Variants in SGCD observed in about 807,000 individuals in gnomAD.
The protein encoded by SGCD is sarcoglycan delta.
Under a neutral mutation model 36.6 loss-of-function variants are expected in SGCD, and 18 were observed. The observed-to-expected ratio is 0.49, with a 90% CI of 0.34 to 0.73. The LOEUF (loss-of-function observed/expected upper bound fraction) is 0.73, where lower values mean the gene tolerates loss of function less well. Among genes scored for constraint, SGCD ranks in the 30% least tolerant of loss-of-function variants. SGCD has a pLI of 0.01. For missense variants in SGCD, 387 were observed against 346.7 expected (o/e 1.12, Z -0.92); for synonymous variants, 133 against 130.6 (o/e 1.02, Z -0.12).
At chr5:156,248,684 G>A (rs1393552268) in intron 3 of SGCD, among the ~76,000 whole-genome samples, 1 of 152,212 alleles carries the variant, frequency 6.6e-6, no homozygotes, top group African/African-American at 2.4e-5. Flanking sequence ...GCAATCCACT[G>A]AAGCGTGACA....
intron 1 of SGCD, among the ~76,000 whole-genome samples, chr5:156,058,388 A>G (rs531360276): frequency 6.8e-6 from 1 of 146,328 alleles, no homozygotes; most frequent in Non-Finnish European, 1.5e-5. Flanking sequence ...AACTAAACCA[A>G]TGATCCTTAA....
At chr5:155,983,961 A>T (rs1225100240) in intron 1 of SGCD, among the ~76,000 whole-genome samples, 1 of 152,184 alleles carries the variant, frequency 6.6e-6, no homozygotes, top group Non-Finnish European at 1.5e-5. Context: ...GCATCCGTGG[A>T]TGAAAATTTC....
At chr5:156,489,996 A>C (rs917126380) in intron 3 of SGCD, among the ~76,000 whole-genome samples, 23 of 147,526 alleles carry the variant, frequency 1.6e-4, no homozygotes, top group African/African-American at 5.7e-4. Flanking sequence ...GAAAAGAGAG[A>C]GGACTCAAAT....
At chr5:156,463,937 C>A (rs1754608910) in intron 3 of SGCD, among the ~76,000 whole-genome samples, 1 of 152,122 alleles carries the variant, frequency 6.6e-6, no homozygotes, top group Non-Finnish European at 1.5e-5. Flanking sequence ...GCCTGAGTAA[C>A]AGAGCAAGAC....
intron 6 of SGCD, among the ~76,000 whole-genome samples, chr5:156,626,275 A>G (rs1425384663): frequency 6.6e-6 from 1 of 152,150 alleles, no homozygotes; most frequent in Non-Finnish European, 1.5e-5. Context: ...GGAAATTTGT[A>G]TGTCCTCCTT....
At chr5:155,731,985 A>G in the SGCD span, among the ~76,000 whole-genome samples, 1 of 152,180 alleles carries the variant, frequency 6.6e-6, no homozygotes, top group African/African-American at 2.4e-5. Flanking sequence ...AGAAAAGCTT[A>G]TTTCTTGTGA....
At chr5:155,959,747 G>A (rs530011431) in intron 1 of SGCD, among the ~76,000 whole-genome samples, 18 of 152,006 alleles carry the variant, frequency 1.2e-4, no homozygotes, top group Non-Finnish European at 2.4e-4. Flanking sequence ...CAATAAGTGT[G>A]TACTATGTAT....
At chr5:155,869,470 G>A (rs2113271187), upstream of SGCD, among the ~76,000 whole-genome samples, 1 of 152,028 alleles carries the variant, frequency 6.6e-6, no homozygotes, top group Middle Eastern at 3.4e-3. Context: ...ATGACCCTGT[G>A]AGTTAGGAAC....
chr5:156,538,421 C>T (rs1452092581), intron 4 of SGCD, among the ~76,000 whole-genome samples: 3 of 152,010 alleles, frequency 2.0e-5, no homozygotes, highest in East Asian at 1.9e-4. Flanking sequence ...CTGTGCCTGG[C>T]GACTTCTCAT....
At chr5:155,788,273 G>T in the SGCD span, among the ~76,000 whole-genome samples, 2 of 152,028 alleles carry the variant, frequency 1.3e-5, no homozygotes, top group Non-Finnish European at 2.9e-5. Flanking sequence ...TTGTTTTACT[G>T]TTAGTTCCTT....
At chr5:156,101,923 T>C (rs1236341634) in intron 1 of SGCD, among the ~76,000 whole-genome samples, 2 of 149,784 alleles carry the variant, frequency 1.3e-5, no homozygotes, top group Non-Finnish European at 3.0e-5. Flanking sequence ...TGTGTGTGTG[T>C]GTGTGTGTGT....
chr5:156,097,954 G>A (rs1214960326), intron 1 of SGCD, among the ~76,000 whole-genome samples: 1 of 152,130 alleles, frequency 6.6e-6, no homozygotes, highest in Non-Finnish European at 1.5e-5. Context: ...GGCATGCTTG[G>A]TTTATTAGGT....
chr5:156,095,627 C>T (rs912077529), intron 1 of SGCD, among the ~76,000 whole-genome samples: 2 of 151,954 alleles, frequency 1.3e-5, no homozygotes, highest in African/African-American at 2.4e-5. Context: ...GAAACTGTTC[C>T]CCTCCAGGGC....
chr5:155,989,120 C>T (rs1393067273), intron 1 of SGCD, among the ~76,000 whole-genome samples: 1 of 152,152 alleles, frequency 6.6e-6, no homozygotes, highest in Non-Finnish European at 1.5e-5. Flanking sequence ...CATTTCGGGA[C>T]TTGTAGCATG....
intron 1 of SGCD, among the ~76,000 whole-genome samples, chr5:156,074,128 G>A (rs1427548898): frequency 1.3e-5 from 2 of 152,184 alleles, no homozygotes; most frequent in Non-Finnish European, 2.9e-5. Context: ...TTATATAAAT[G>A]TTTACTTATT....
At chr5:155,794,186 C>T in the SGCD span, among the ~76,000 whole-genome samples, 1 of 152,138 alleles carries the variant, frequency 6.6e-6, no homozygotes. Context: ...GAAAGCAGAT[C>T]AGTCTCTGGT....
chr5:156,614,785 G>T (rs916869246), intron 6 of SGCD, among the ~76,000 whole-genome samples: 1 of 152,066 alleles, frequency 6.6e-6, no homozygotes, highest in Non-Finnish European at 1.5e-5. Flanking sequence ...CTCATGGGGG[G>T]TCTTTGCATC....
chr5:156,709,833 T>A (rs1221492221), intron 7 of SGCD, among the ~76,000 whole-genome samples: 37 of 140,052 alleles, frequency 2.6e-4, no homozygotes, highest in South Asian at 2.5e-3. Flanking sequence ...TGCCGCCCCC[T>A]CCCCCCCGAC....
At chr5:156,529,802 T>A (rs115307128) in intron 4 of SGCD, among the ~76,000 whole-genome samples, 5,254 of 152,328 alleles carry the variant, frequency 0.034, 196 homozygotes, top group African/African-American at 0.092. Context: ...AACCTTTTGA[T>A]GCAGCACTCT....
Sources: gnomAD v4.1 joint callset for allele counts (sites outside exome capture counted in the v4.1 genomes callset) on GRCh38, gnomAD v4.1.1 for gene constraint, MANE v1.5 for transcripts, NCBI Gene and HGNC (gene_info 2026-07-23, HGNC 2026-07-21) for gene names.